Variants in N4BP2L2 observed in about 807,000 individuals in gnomAD.
The protein encoded by N4BP2L2 is NEDD4-binding protein 2-like 2.
N4BP2L2 carries 50 observed loss-of-function variants against 56.2 expected under a neutral mutation model. The observed-to-expected ratio is 0.89, with a 90% CI of 0.71 to 1.13. The LOEUF (loss-of-function observed/expected upper bound fraction) is 1.13. Among genes scored for constraint, N4BP2L2 ranks in the 50% most tolerant of loss-of-function variants. The probability of loss-of-function intolerance (pLI) is 0.00; values close to 1 mark genes in which losing one functional copy is unlikely to be tolerated. For missense variants in N4BP2L2, 689 were observed against 693.8 expected, an observed-to-expected ratio of 0.99 and a Z score of 0.08; for synonymous variants, 203 against 223.6, an observed-to-expected ratio of 0.91 and a Z score of 0.82.
chr13:32,520,038 T>A (rs1349708952), intron 5 of N4BP2L2, among the ~76,000 whole-genome samples: 3 of 152,152 alleles, frequency 2.0e-5, no homozygotes, highest in Non-Finnish European at 1.5e-5. Flanking sequence ...ATACTAATAC[T>A]AATCTGTTTG....
intron 6 of N4BP2L2, chr13:32,446,466 C>G (rs1464736637): frequency 7.5e-7 from 1 of 1,334,308 alleles, no homozygotes; most frequent in Admixed American, 2.1e-5. Context: ...TGTCTTTACT[C>G]AAATGTGAAC....
chr13:32,471,218 A>G (rs1453674374), intron 6 of N4BP2L2, among the ~76,000 whole-genome samples: 2 of 152,160 alleles, frequency 1.3e-5, no homozygotes, highest in Non-Finnish European at 2.9e-5. Context: ...CCCAAAGCTT[A>G]TGTGTCAGGC....
chr13:32,521,160 T>TA (rs1346212661), intron 5 of N4BP2L2, among the ~76,000 whole-genome samples: 1 of 151,980 alleles, frequency 6.6e-6, no homozygotes, highest in African/African-American at 2.4e-5. Flanking sequence ...AAGCACAAAG[T>TA]AAAAAGTTGA....
intron 6 of N4BP2L2, among the ~76,000 whole-genome samples, chr13:32,470,109 G>T (rs1347658507): frequency 6.6e-6 from 1 of 152,148 alleles, no homozygotes; most frequent in Non-Finnish European, 1.5e-5. Flanking sequence ...CTTATGCATT[G>T]TGTATCTCTC....
exon 6 of N4BP2L2, chr13:32,514,559 G>A (rs903177467): frequency 2.6e-5 from 4 of 152,140 alleles, no homozygotes; most frequent in African/African-American, 4.8e-5. Context: ...TGTAATCCCA[G>A]CTACCAGGTA....
intron 6 of N4BP2L2, among the ~76,000 whole-genome samples, chr13:32,484,521 T>C (rs918706015): frequency 2.0e-5 from 3 of 152,066 alleles, no homozygotes; most frequent in Non-Finnish European, 4.4e-5. Context: ...TCCACTCTCA[T>C]TGCCCAGACT....
intron 6 of N4BP2L2, among the ~76,000 whole-genome samples, chr13:32,484,409 A>T (rs2085426384): frequency 6.6e-6 from 1 of 152,204 alleles, no homozygotes; most frequent in South Asian, 2.1e-4. Context: ...GCAAACATAA[A>T]CTTGAAAAAA....
At chr13:32,475,562 C>CTTA (rs1431632282) in intron 6 of N4BP2L2, among the ~76,000 whole-genome samples, 1 of 152,108 alleles carries the variant, frequency 6.6e-6, no homozygotes, top group Non-Finnish European at 1.5e-5. Flanking sequence ...CCACCCTAAT[C>CTTA]TTATTATGCA....
chr13:32,452,780 T>C (rs1364278247), intron 6 of N4BP2L2, among the ~76,000 whole-genome samples: 2 of 152,222 alleles, frequency 1.3e-5, no homozygotes, highest in African/African-American at 2.4e-5. Context: ...GATCCTATCA[T>C]AAACATAATT....
At chr13:32,516,483 T>C (rs2049235873) in exon 6 of N4BP2L2, 1 of 152,174 alleles carries the variant, frequency 6.6e-6, no homozygotes, top group South Asian at 2.1e-4. Context: ...GAATCTAGTT[T>C]TTGGCCTGAC....
Position 32,443,413 on chromosome 13 carries a change from A to C in N4BP2L2, c.1079T>G (p.Leu360Ter), listed in dbSNP as rs771153939. The C allele has an allele frequency of 6.2e-7, 1 of 1,614,052 alleles. No homozygotes were observed. The highest frequency in any genetic ancestry group is 1.7e-5 in the Admixed American group (1 of 60,030). ...GGGCTGTCTGTCAGAGCCCAGCTGT[A>C]AATCTTCATCAGATAAATTGGTTGT... Residue 360 changes from leucine (L) to a stop codon, truncating the protein, a stop_gained, in exon 7 of 10, where the codon TTA becomes TGA. Transcript: ENST00000357505. LOFTEE classifies it high-confidence loss of function.
At chr13:32,538,533 GCTAAT>G (rs1594141060) in intron 1 of N4BP2L2, 80 bp downstream of exon 1, 7 of 771,190 alleles carry the variant, frequency 9.1e-6, no homozygotes, top group East Asian at 2.6e-4. Context: ...TACGTTTACA[GCTAAT>G]CTAAACAGTC....
At position 32,473,419 on chromosome 13, in the gene N4BP2L2, G is replaced by A. The variant is rs182511157; in HGVS notation, c.366-29293C>T. On this transcript the variant is annotated intron_variant, in intron 6 of 9. Transcript: ENST00000357505. The stretch of plus-strand genomic sequence containing the variant: ...AAACACAAGGTGTGAACATTGACTG[G>A]ATCCTAGTTTGGGGAGAAAAAAAAT... Among the ~76,000 whole-genome samples the A allele has an allele frequency of 2.2e-4, 34 of 152,118 alleles. No homozygotes were observed. The East Asian group carries it at 6.2e-3, about 28-fold the overall frequency.
chr13:32,500,569 A>AAAAAAAAAAAAAAAT, intron 6 of N4BP2L2, among the ~76,000 whole-genome samples: 1 of 134,624 alleles, frequency 7.4e-6, no homozygotes, highest in Non-Finnish European at 1.6e-5. Context: ...AAAAAAAAAA[A>AAAAAAAAAAAAAAAT]TAGCCAGGCA....
intron 8 of N4BP2L2, among the ~76,000 whole-genome samples, chr13:32,436,785 C>CA (rs1174354861): frequency 0.33 from 14,996 of 44,976 alleles, 4,345 homozygotes; most frequent in Non-Finnish European, 0.46. Context: ...GTGTGACTGT[C>CA]AAAAAAAAAA....
downstream of N4BP2L2, chr13:32,506,298 C>T (rs2090933788): frequency 6.6e-6 from 1 of 152,054 alleles, no homozygotes; most frequent in Non-Finnish European, 1.5e-5. Flanking sequence ...TCTTCATTAC[C>T]TTTTTAAAGG....
chr13:32,496,276 T>A (rs575796358), intron 6 of N4BP2L2, among the ~76,000 whole-genome samples: 2 of 152,346 alleles, frequency 1.3e-5, no homozygotes, highest in South Asian at 2.1e-4. Context: ...AAGATACTTG[T>A]TGACTGTGCC....
intron 7 of N4BP2L2, among the ~76,000 whole-genome samples, chr13:32,440,850 T>TC (rs2076207610): frequency 7.5e-6 from 1 of 132,982 alleles, no homozygotes; most frequent in African/African-American, 3.0e-5. Flanking sequence ...AAAATAACAA[T>TC]CTTTTTTTTT....
At chr13:32,479,159 TATG>T (rs1002597387) in intron 6 of N4BP2L2, among the ~76,000 whole-genome samples, 1 of 151,954 alleles carries the variant, frequency 6.6e-6, no homozygotes, top group African/African-American at 2.4e-5. Flanking sequence ...AAAAGAACGT[TATG>T]ATATTATTGA....
Sources: allele counts gnomAD v4.1 joint callset (sites outside exome capture counted in the v4.1 genomes callset), GRCh38; gene constraint gnomAD v4.1.1; transcripts MANE v1.5; gene names NCBI Gene and HGNC (gene_info 2026-07-23, HGNC 2026-07-21).